The following CREB5 variants were observed in gnomAD, a reference collection of about 807,000 sequenced individuals.
CREB5 encodes cAMP responsive element binding protein 5, also known as cyclic AMP-responsive element-binding protein 5.
A neutral mutation model predicts 57.1 loss-of-function variants in CREB5; 19 were observed. That is an observed-to-expected ratio of 0.33 (90% CI 0.23 to 0.49). The LOEUF (loss-of-function observed/expected upper bound fraction) is 0.49. CREB5 is among the 20% of genes least tolerant of loss of function. The pLI is 0.99. For missense variants in CREB5, 579 were observed against 671.6 expected (o/e 0.86, Z 1.52); for synonymous variants, 238 against 238.3 (o/e 1.00, Z 0.01).
intron 1 of CREB5, among the ~76,000 whole-genome samples, chr7:28,359,215 C>G (rs1257290576): frequency 1.0e-5 from 1 of 97,696 alleles, no homozygotes; most frequent in Non-Finnish European, 2.3e-5. Flanking sequence ...AATACACACA[C>G]AAAACAAATA....
chr7:28,763,363 T>C (rs1805774039), intron 7 of CREB5, among the ~76,000 whole-genome samples: 1 of 152,210 alleles, frequency 6.6e-6, no homozygotes, highest in Admixed American at 6.5e-5. Flanking sequence ...TCCTCCTTTC[T>C]TTCTGTAAGT....
chr7:28,490,194 C>T (rs190655909), intron 2 of CREB5, among the ~76,000 whole-genome samples: 11 of 152,334 alleles, frequency 7.2e-5, no homozygotes, highest in Admixed American at 3.9e-4. Flanking sequence ...CATATGTGTC[C>T]GTGTCCTCAC....
chr7:28,437,990 G>C lies in CREB5; in HGVS notation c.3+25073G>C, dbSNP rs551837225. On this transcript the variant is annotated intron_variant, in intron 1 of 10. Coordinates refer to ENST00000357727, the MANE Select transcript of CREB5 (RefSeq NM_182898.4). ...ATTTATCCCTACATGACATTTTCCA[G>C]TTATCCAACCAGGCTTTTCTTCAGG... Among the ~76,000 whole-genome samples, 6 of 152,226 alleles carry C rather than the reference G, an allele frequency of 3.9e-5. No homozygotes were observed. In the South Asian group the frequency reaches 1.2e-3, roughly 32 times the overall value.
At chr7:28,614,149 G>A (rs1186235437) in intron 5 of CREB5, among the ~76,000 whole-genome samples, 1 of 151,990 alleles carries the variant, frequency 6.6e-6, no homozygotes, top group East Asian at 1.9e-4. Flanking sequence ...TTATAAAGTG[G>A]GGTTTCACCA....
intron 1 of CREB5, among the ~76,000 whole-genome samples, chr7:28,434,589 A>G (rs577152208): frequency 6.6e-6 from 1 of 152,340 alleles, no homozygotes; most frequent in East Asian, 1.9e-4. Flanking sequence ...TTGTAACTCA[A>G]TAATTAAATA....
At chr7:28,323,519 C>G (rs1451252805) in intron 1 of CREB5, among the ~76,000 whole-genome samples, 4 of 152,048 alleles carry the variant, frequency 2.6e-5, no homozygotes, top group Non-Finnish European at 4.4e-5. Flanking sequence ...AAACAAAGTG[C>G]CCCTTCATCC....
chr7:28,411,333 A>G (rs1787790276), upstream of CREB5, among the ~76,000 whole-genome samples: 1 of 152,172 alleles, frequency 6.6e-6, no homozygotes, highest in Admixed American at 6.5e-5. Context: ...TAAACGTTTC[A>G]TTTCCAAAGT....
At chr7:28,757,997 T>C (rs1406528692) in intron 7 of CREB5, among the ~76,000 whole-genome samples, 6 of 152,314 alleles carry the variant, frequency 3.9e-5, no homozygotes, top group Middle Eastern at 3.4e-3. Context: ...GCAATGGTAG[T>C]GCTATTGTAA....
intron 5 of CREB5, among the ~76,000 whole-genome samples, chr7:28,712,627 G>T (rs1413116412): frequency 6.7e-6 from 1 of 149,520 alleles, no homozygotes; most frequent in Admixed American, 6.7e-5. Context: ...TCCACCTCTT[G>T]GGTTCAAGCG....
intron 1 of CREB5, among the ~76,000 whole-genome samples, chr7:28,429,772 G>A (rs1479220136): frequency 3.3e-5 from 5 of 152,102 alleles, no homozygotes; most frequent in Non-Finnish European, 7.4e-5. Flanking sequence ...ATCTAACATC[G>A]CCTGAGGTTA....
intron 4 of CREB5, among the ~76,000 whole-genome samples, chr7:28,526,083 G>A (rs1434921894): frequency 6.6e-6 from 1 of 152,196 alleles, no homozygotes; most frequent in African/African-American, 2.4e-5. Flanking sequence ...GATTTTAGGT[G>A]GTGGTTGTGA....
At chr7:28,718,470 G>A (rs973593330) in intron 5 of CREB5, among the ~76,000 whole-genome samples, 6 of 152,186 alleles carry the variant, frequency 3.9e-5, no homozygotes, top group Admixed American at 2.6e-4. Context: ...CCTAAGATGC[G>A]AGCGTTTAGG....
chr7:28,428,150 G>T (rs538608973), intron 1 of CREB5, among the ~76,000 whole-genome samples: 1 of 152,256 alleles, frequency 6.6e-6, no homozygotes, highest in South Asian at 2.1e-4. Context: ...CTAGGTAAGG[G>T]GCTGCTTGGT....
chr7:28,382,885 A>G (rs1786993609), intron 1 of CREB5, among the ~76,000 whole-genome samples: 1 of 152,124 alleles, frequency 6.6e-6, no homozygotes, highest in African/African-American at 2.4e-5. Context: ...ATCATGAGAA[A>G]AAAACTAAAT....
intron 4 of CREB5, among the ~76,000 whole-genome samples, chr7:28,544,851 A>G (rs949544535): frequency 2.0e-5 from 3 of 152,204 alleles, no homozygotes; most frequent in Non-Finnish European, 2.9e-5. Context: ...GGACGGAAAG[A>G]TCCATTAATC....
chr7:28,449,955 C>T (rs939372536), intron 1 of CREB5, among the ~76,000 whole-genome samples: 1 of 152,092 alleles, frequency 6.6e-6, no homozygotes, highest in Non-Finnish European at 1.5e-5. Context: ...GACTTAGGAG[C>T]TGTCAGAATT....
chr7:28,667,410 G>A (rs907834107), intron 5 of CREB5, among the ~76,000 whole-genome samples: 1 of 151,662 alleles, frequency 6.6e-6, no homozygotes, highest in African/African-American at 2.4e-5. Context: ...AATATTTTGA[G>A]GTTTTGGAAT....
chr7:28,772,885 C>A lies in CREB5; in HGVS notation c.703-31314C>A, dbSNP rs561632049. On this transcript the variant is annotated intron_variant, in intron 7 of 10. Coordinates refer to ENST00000357727, the MANE Select transcript of CREB5 (RefSeq NM_182898.4). ...CTTGGATTTAAGTGACACTTGTGCACCAGCTCTGGCCTACCACTTTGCTAC... is the reference window on the plus strand; with the variant it reads ...CTTGGATTTAAGTGACACTTGTGCAACAGCTCTGGCCTACCACTTTGCTAC... Among the ~76,000 whole-genome samples the A allele has an allele frequency of 2.0e-5, 3 of 152,226 alleles. No homozygotes were observed. The South Asian group carries it at 6.2e-4, about 32-fold the overall frequency.
At chr7:28,626,459 T>C (rs1797999690) in intron 5 of CREB5, among the ~76,000 whole-genome samples, 1 of 152,178 alleles carries the variant, frequency 6.6e-6, no homozygotes, top group African/African-American at 2.4e-5. Flanking sequence ...ATCCCCATTT[T>C]ACAAACAGAA....
Sources: gnomAD v4.1 joint callset for allele counts (sites outside exome capture counted in the v4.1 genomes callset) on GRCh38, gnomAD v4.1.1 for gene constraint, MANE v1.5 for transcripts, NCBI Gene and HGNC (gene_info 2026-07-23, HGNC 2026-07-21) for gene names.